The following CAST variants were observed in gnomAD, a reference collection of about 807,000 sequenced individuals.
The protein encoded by CAST is calpastatin, also known as MIR583 host.
CAST carries 76 observed loss-of-function variants against 119.6 expected under a neutral mutation model. The ratio of observed to expected loss-of-function variants is 0.64; its 90% CI spans 0.53 to 0.77. CAST has a LOEUF of 0.77. Ranked by LOEUF, CAST falls within the 30% of genes least tolerant of loss-of-function variation. CAST has a pLI of 0.00. For synonymous variants in CAST, 319 were observed against 331.6 expected, an observed-to-expected ratio of 0.96 and a Z score of 0.41; for missense variants, 953 against 946.5, an observed-to-expected ratio of 1.01 and a Z score of -0.09.
the CAST span, among the ~76,000 whole-genome samples, chr5:96,273,467 G>T: frequency 6.6e-6 from 1 of 152,180 alleles, no homozygotes; most frequent in Non-Finnish European, 1.5e-5. Flanking sequence ...AAGTAAGACT[G>T]TATCTCAAGT....
At chr5:96,559,338 G>A (rs976888443) in intron 1 of CAST, among the ~76,000 whole-genome samples, 1 of 152,124 alleles carries the variant, frequency 6.6e-6, no homozygotes, top group Non-Finnish European at 1.5e-5. Flanking sequence ...ATTCAACATA[G>A]TGTTGGAAGT....
At chr5:96,701,179 C>T (rs917177737) in intron 3 of CAST, among the ~76,000 whole-genome samples, 3 of 152,252 alleles carry the variant, frequency 2.0e-5, no homozygotes, top group South Asian at 4.1e-4. Flanking sequence ...CCACTTGCCT[C>T]GGCCTCCCAA....
chr5:96,391,146 G>A, the CAST span: 1 of 152,132 alleles, frequency 6.6e-6, no homozygotes, highest in Non-Finnish European at 1.5e-5. Context: ...AACTTCCAAG[G>A]ACAGAGTGAT....
At chr5:96,130,948 C>T in the CAST span, among the ~76,000 whole-genome samples, 1 of 152,014 alleles carries the variant, frequency 6.6e-6, no homozygotes, top group Non-Finnish European at 1.5e-5. Flanking sequence ...TTGCTATGAC[C>T]TTTTACAAAG....
chr5:96,545,574 C>A (rs1745995160), intron 1 of CAST, among the ~76,000 whole-genome samples: 2 of 152,222 alleles, frequency 1.3e-5, no homozygotes, highest in South Asian at 4.1e-4. Flanking sequence ...TTGCCAGTTT[C>A]TCCAGGTAGT....
chr5:96,391,745 T>G, the CAST span: 2 of 152,234 alleles, frequency 1.3e-5, no homozygotes, highest in Non-Finnish European at 2.9e-5. Context: ...TCCAGCTAAC[T>G]GTTGCCATGA....
the CAST span, among the ~76,000 whole-genome samples, chr5:96,362,064 A>G: frequency 1.7e-4 from 26 of 151,830 alleles, no homozygotes; most frequent in East Asian, 5.0e-3. Context: ...ATTCCCACCT[A>G]TGGGTGAGAA....
chr5:96,026,366 C>T, the CAST span, among the ~76,000 whole-genome samples: 23 of 152,226 alleles, frequency 1.5e-4, no homozygotes, highest in African/African-American at 3.6e-4. Flanking sequence ...GAGCTCAGTA[C>T]GATACTTGGA....
chr5:96,017,057 C>T, the CAST span, among the ~76,000 whole-genome samples: 4 of 152,072 alleles, frequency 2.6e-5, no homozygotes, highest in East Asian at 1.9e-4. Context: ...AGGATGGTCT[C>T]GATCTCCTGA....
chr5:96,592,487 C>T (rs1746979898), intron 1 of CAST, among the ~76,000 whole-genome samples: 1 of 152,130 alleles, frequency 6.6e-6, no homozygotes, highest in Non-Finnish European at 1.5e-5. Flanking sequence ...TATTTTATTT[C>T]ATTCATTAAT....
the CAST span, among the ~76,000 whole-genome samples, chr5:96,495,762 G>A: frequency 4.6e-5 from 7 of 152,140 alleles, no homozygotes; most frequent in Non-Finnish European, 4.4e-5. Context: ...GAATTGTCTT[G>A]TGGATCAATT....
the CAST span, among the ~76,000 whole-genome samples, chr5:95,975,828 C>T: frequency 1.3e-5 from 2 of 152,280 alleles, no homozygotes; most frequent in East Asian, 3.9e-4. Flanking sequence ...CTTTTATAAT[C>T]ATTTATTGCC....
chr5:96,608,534 C>T (rs1014263108), intron 1 of CAST, among the ~76,000 whole-genome samples: 2 of 151,858 alleles, frequency 1.3e-5, no homozygotes, highest in Non-Finnish European at 2.9e-5. Flanking sequence ...CTTGACAAAT[C>T]GAGCCAGGGA....
At chr5:96,215,822 C>T in the CAST span, among the ~76,000 whole-genome samples, 151 of 152,020 alleles carry the variant, frequency 9.9e-4, no homozygotes, top group African/African-American at 3.5e-3. Flanking sequence ...TTTATGTATT[C>T]GTTGAGACAG....
the CAST span, among the ~76,000 whole-genome samples, chr5:96,221,034 GGTCATTATGGATTACTTGAAT>G: frequency 8.5e-5 from 13 of 152,218 alleles, no homozygotes; most frequent in Non-Finnish European, 1.9e-4. Context: ...ACAGAGTTTA[GGTCATTATGGATTACTTGAAT>G]GTCACTTTGC....
At chr5:96,574,677 T>A (rs1746635240) in intron 1 of CAST, among the ~76,000 whole-genome samples, 1 of 145,940 alleles carries the variant, frequency 6.9e-6, no homozygotes, top group South Asian at 2.2e-4. Context: ...TTTACATTTA[T>A]GTTTACAATC....
At chr5:96,453,304 T>A in the CAST span, among the ~76,000 whole-genome samples, 45 of 152,358 alleles carry the variant, frequency 3.0e-4, no homozygotes, top group African/African-American at 9.9e-4. Context: ...GAGTTACTAA[T>A]GTTATTTAAG....
At chr5:96,414,009 G>A in the CAST span, among the ~76,000 whole-genome samples, 3 of 149,086 alleles carry the variant, frequency 2.0e-5, no homozygotes, top group East Asian at 2.0e-4. Context: ...CGTAGTGGCG[G>A]GTTCCTGTAG....
chr5:96,014,488 C>CTA, the CAST span, among the ~76,000 whole-genome samples: 1 of 152,218 alleles, frequency 6.6e-6, no homozygotes, highest in Non-Finnish European at 1.5e-5. Context: ...GTATCATGTA[C>CTA]TATACATAAT....
Sources: allele counts gnomAD v4.1 joint callset (sites outside exome capture counted in the v4.1 genomes callset), GRCh38; gene constraint gnomAD v4.1.1; transcripts MANE v1.5; gene names NCBI Gene and HGNC (gene_info 2026-07-23, HGNC 2026-07-21).